OR2AJ1: variants seen among roughly 807,000 people sequenced by gnomAD.
The protein encoded by OR2AJ1 is olfactory receptor 2AJ1.
For missense variants in OR2AJ1, 280 were observed against 163.2 expected (o/e 1.72, Z -3.90); for synonymous variants, 105 against 60.3 (o/e 1.74, Z -3.44).
rs1553341471 is a variant in OR2AJ1, at chr1:247,929,599, G to GGTGT, written c.-22-4119_-22-4116dup. ...CAGGCTCTATTCCCCCCCTTCACTC[G>GGTGT]GTGTGTGTGTGTGTGTGTGTGTGTG... is the stretch of plus-strand genomic sequence containing the variant. On this transcript the variant is annotated intron_variant, in intron 1 of 1. Coordinates refer to ENST00000318244, the MANE Select transcript of OR2AJ1 (RefSeq NM_001355235.2). Among the ~76,000 whole-genome samples the GGTGT allele has an allele frequency of 9.1e-3, 1,339 of 147,438 alleles. 27 individuals carry two copies. The highest frequency in any genetic ancestry group is 0.032 in the African/African-American group (1,269 of 40,224).
At chr1:247,927,497 G>GTGTGTGTGT (rs1553341346) in intron 1 of OR2AJ1, among the ~76,000 whole-genome samples, 1,676 of 148,414 alleles carry the variant, frequency 0.011, 39 homozygotes, top group African/African-American at 0.038. Context: ...ACATTTAGGG[G>GTGTGTGTGT]GTGTGTGTGT....
At chr1:247,927,020 G>A (rs1043183840) in intron 1 of OR2AJ1, among the ~76,000 whole-genome samples, 1 of 152,204 alleles carries the variant, frequency 6.6e-6, no homozygotes, top group Non-Finnish European at 1.5e-5. Context: ...AGGCTTCTAA[G>A]TATTAGGCTT....
At position 247,933,881 on chromosome 1, in the gene OR2AJ1, G is replaced by A. The variant is rs769818514; in HGVS notation, c.113G>A (p.Ser38Asn). ...GTTTTATTTGTCATTTTCATTATGA[G>A]TGTAACAGAAAATACGCTCATGATC... ...FLVLFVIFIMSVTENTLMILL... is the reference protein window; with the variant it reads ...FLVLFVIFIMNVTENTLMILL... The change falls in exon 2 of 2, where the codon AGT (serine) becomes AAT (asparagine). Residue 38 changes from serine (S) to asparagine (N), a missense_variant. Transcript: ENST00000318244. 1 of 711,824 alleles carries A rather than the reference G, an allele frequency of 1.4e-6. No individual in the cohort carries two copies. The highest frequency in any genetic ancestry group is 2.0e-5 in the Admixed American group (1 of 49,694). 44.1% of individuals were successfully genotyped at this position (711,824 alleles called of 1,614,324 possible). A position where few individuals can be genotyped will look rare whatever the true frequency, so the allele number is the denominator to read the frequency against.
chr1:247,933,719 T>G, intron 1 of OR2AJ1, 28 bp from the exon 2 acceptor site: 1 of 556,282 alleles, frequency 1.8e-6, no homozygotes, highest in Non-Finnish European at 3.2e-6. Context: ...TATTTTTTCT[T>G]TATTATTAAT....
At chr1:247,933,620 G>A (rs1660176794) in intron 1 of OR2AJ1, 127 bp from the exon 2 acceptor site, 1 of 467,882 alleles carries the variant, frequency 2.1e-6, no homozygotes. Flanking sequence ...AACTGGCTAA[G>A]AGTATTTTGA....
intron 1 of OR2AJ1, among the ~76,000 whole-genome samples, chr1:247,933,138 C>A (rs1280890750): frequency 1.3e-5 from 2 of 152,106 alleles, no homozygotes; most frequent in Non-Finnish European, 2.9e-5. Context: ...GACAGAAAGA[C>A]AAGTTCCACA....
In OR2AJ1 at chr1:247,933,015, A is replaced by G. The variant is rs998562957; in HGVS notation, c.-22-732A>G. Among the ~76,000 whole-genome samples, 26 of 152,352 alleles carry G rather than the reference A, an allele frequency of 1.7e-4. No homozygotes were observed. The South Asian group carries it at 5.2e-3, about 30-fold the overall frequency. ...TTTTACATTTAAAATATAGTGTTTC[A>G]AATTATAAACATATTGAGTTTTGTG... On this transcript the variant is annotated intron_variant, in intron 1 of 1. Coordinates refer to ENST00000318244, the MANE Select transcript of OR2AJ1 (RefSeq NM_001355235.2).
chr1:247,928,105 G>C (rs1235434793), intron 1 of OR2AJ1, among the ~76,000 whole-genome samples: 1 of 152,040 alleles, frequency 6.6e-6, no homozygotes. Flanking sequence ...CTTTATAATA[G>C]CTATACTAAT....
intron 1 of OR2AJ1, among the ~76,000 whole-genome samples, chr1:247,932,363 A>T (rs1022890609): frequency 3.3e-5 from 5 of 152,134 alleles, no homozygotes; most frequent in Non-Finnish European, 7.4e-5. Flanking sequence ...ACAAAACAAC[A>T]ACATAAAAAA....
chr1:247,934,232 A>G lies in OR2AJ1; in HGVS notation c.464A>G (p.Asn155Ser), dbSNP rs745478381. ...GGCTCCTGGCTCATTGGGGTTTTCAACTCCACAGTCCACACAGCTTATGCA... is the reference window on the plus strand; with the variant it reads ...GGCTCCTGGCTCATTGGGGTTTTCAGCTCCACAGTCCACACAGCTTATGCA... ...AGGSWLIGVF[N>S]STVHTAYALQ... The change falls in exon 2 of 2, where the codon AAC becomes AGC. Residue 155 changes from asparagine (N) to serine (S), a missense_variant. By Grantham distance (46) the Asn-to-Ser change is conservative. Transcript: ENST00000318244. The G allele has an allele frequency of 2.2e-5, 16 of 719,098 alleles. No homozygotes were observed. The East Asian group carries it at 4.0e-4, about 18-fold the overall frequency. The allele number at this position is 719,098 out of a possible 1,614,324, so 44.5% of individuals were successfully genotyped here. A position where few individuals can be genotyped will look rare whatever the true frequency, so the allele number is the denominator to read the frequency against.
At position 247,934,269 on chromosome 1, in the gene OR2AJ1, C is replaced by A; in HGVS notation, c.501C>A (p.Pro167=). The change falls in exon 2 of 2, where the codon CCC becomes CCA. Residue 167 remains proline, a synonymous_variant. Transcript: ENST00000318244. ...ACACAGCTTATGCACTGCAGTTTCC[C>A]TTCTGTGGCTCTAGGGCAATTGATC... ...TVHTAYALQF[P]FCGSRAIDHF... 1.4e-6 allele frequency: 1 copy of A among 725,806 alleles called. No homozygotes were observed. The highest frequency in any genetic ancestry group is 2.6e-6 in the Non-Finnish European group (1 of 389,684). 45.0% of individuals were successfully genotyped at this position (725,806 alleles called of 1,614,324 possible).
In OR2AJ1 at chr1:247,934,804, T is replaced by G. The variant is rs1479648215; in HGVS notation, c.*49T>G. The G allele has an allele frequency of 1.9e-5, 12 of 626,586 alleles. No individual in the cohort carries two copies. Among genetic ancestry groups the G allele is most frequent in the Non-Finnish European group, 3.4e-5 (12 of 352,914 alleles). The allele number at this position is 626,586 out of a possible 1,614,324, so 38.8% of individuals were successfully genotyped here. The stretch of plus-strand genomic sequence containing the variant: ...GGTTTCCTAGAAAGAAATCAAAGCT[T>G]CTATCTTACCACATATAAGAAGTGA... On this transcript the variant is annotated 3_prime_UTR_variant, in exon 2 of 2. Transcript: ENST00000318244.
intron 1 of OR2AJ1, among the ~76,000 whole-genome samples, chr1:247,927,828 C>T (rs903671350): frequency 1.3e-5 from 2 of 152,158 alleles, no homozygotes; most frequent in African/African-American, 2.4e-5. Flanking sequence ...CATCCAGGCT[C>T]ATCCATGTTG....
At chr1:247,925,583 G>A (rs1307398514) in intron 1 of OR2AJ1, among the ~76,000 whole-genome samples, 3 of 151,794 alleles carry the variant, frequency 2.0e-5, no homozygotes, top group Non-Finnish European at 4.4e-5. Context: ...AGAACTAAAT[G>A]TAGGCAAATT....
rs1439529364 is a variant in OR2AJ1, at chr1:247,935,262, C to T, written c.*507C>T. ...TAAGTTGTGTTAAAATTGAATTACT[C>T]ATCCTATGCTAGAAGCAACTATACA... On this transcript the variant is annotated 3_prime_UTR_variant, in exon 2 of 2. Transcript: ENST00000318244. The T allele has an allele frequency of 6.6e-6, 1 of 152,320 alleles. No individual in the cohort carries two copies. The highest frequency in any genetic ancestry group is 2.4e-5 in the African/African-American group (1 of 41,382). The allele number at this position is 152,320 out of a possible 1,614,324, so 9.4% of individuals were successfully genotyped here. A position where few individuals can be genotyped will look rare whatever the true frequency, so the allele number is the denominator to read the frequency against.
chr1:247,929,483 A>C (rs1199069242), intron 1 of OR2AJ1, among the ~76,000 whole-genome samples: 1 of 152,068 alleles, frequency 6.6e-6, no homozygotes, highest in Non-Finnish European at 1.5e-5. Flanking sequence ...TTTAAGAAAC[A>C]AAAAAGAGTA....
In OR2AJ1 at chr1:247,934,092, G is replaced by A. The variant is rs1389694510; in HGVS notation, c.324G>A (p.Leu108=). 9.7e-6 allele frequency: 7 copies of A among 718,142 alleles called. No individual in the cohort carries two copies. The highest frequency in any genetic ancestry group is 2.3e-4 in the Middle Eastern group (1 of 4,398). The allele number at this position is 718,142 out of a possible 1,614,324, so 44.5% of individuals were successfully genotyped here. A position where few individuals can be genotyped will look rare whatever the true frequency, so the allele number is the denominator to read the frequency against. The part of the protein sequence containing the change: ...GFQVFLSLTL[L]GGECLLLAAM... ...AGGTATTTCTGTCCCTCACCCTCCT[G>A]GGTGGTGAGTGCCTTCTCCTGGCTG... The change falls in exon 2 of 2, where the codon CTG becomes CTA. Residue 108 remains leucine (L), a synonymous_variant. Transcript: ENST00000318244.
rs1004549290 is a variant in OR2AJ1 at position 247,924,919 on chromosome 1, T to G, written c.-272T>G. The G allele has an allele frequency of 6.6e-6, 1 of 152,294 alleles. No individual in the cohort carries two copies. Among genetic ancestry groups the G allele is most frequent in the Non-Finnish European group, 1.5e-5 (1 of 68,096 alleles). 9.4% of individuals were successfully genotyped at this position (152,294 alleles called of 1,614,324 possible). Reference sequence around the variant, plus strand: ...AGGACTTCCAACTGGGAAGTTGTCTTTCATCCTTTTCCTTGCTCCTTTCAA... The same window carrying G: ...AGGACTTCCAACTGGGAAGTTGTCTGTCATCCTTTTCCTTGCTCCTTTCAA... On this transcript the variant is annotated 5_prime_UTR_variant, in exon 1 of 2. Transcript: ENST00000318244.
At chr1:247,927,968 A>G (rs1287011460) in intron 1 of OR2AJ1, among the ~76,000 whole-genome samples, 1 of 152,248 alleles carries the variant, frequency 6.6e-6, no homozygotes, top group African/African-American at 2.4e-5. Context: ...TATTGTGAAC[A>G]GTGTGGCACT....
Sources: allele counts gnomAD v4.1 joint callset (sites outside exome capture counted in the v4.1 genomes callset), GRCh38; gene constraint gnomAD v4.1.1; transcripts MANE v1.5; gene names NCBI Gene and HGNC (gene_info 2026-07-23, HGNC 2026-07-21).